JAZF1: variants seen among roughly 807,000 people sequenced by gnomAD.
JAZF1 encodes the protein juxtaposed with another zinc finger protein 1.
A neutral mutation model predicts 26.4 loss-of-function variants in JAZF1; 8 were observed. The ratio of observed to expected loss-of-function variants is 0.30; its 90% CI spans 0.18 to 0.55. The LOEUF is 0.55. JAZF1 is among the 20% of genes least tolerant of loss of function. JAZF1 has a pLI of 0.94. For missense variants in JAZF1, 199 were observed against 322.0 expected (o/e 0.62, Z 2.92); for synonymous variants, 126 against 122.3 (o/e 1.03, Z -0.20).
chr7:28,133,653 T>C (rs1175366985), intron 1 of JAZF1, among the ~76,000 whole-genome samples: 3 of 152,164 alleles, frequency 2.0e-5, no homozygotes, highest in African/African-American at 7.2e-5. Flanking sequence ...TCCACTGTCA[T>C]AATTCTTTAT....
chr7:27,860,725 C>T (rs909482391), intron 3 of JAZF1, among the ~76,000 whole-genome samples: 1 of 152,138 alleles, frequency 6.6e-6, no homozygotes, highest in African/African-American at 2.4e-5. Flanking sequence ...TCCCAGCTGG[C>T]CAGGGTCTGT....
At chr7:28,168,357 G>T (rs967980833) in intron 1 of JAZF1, among the ~76,000 whole-genome samples, 3 of 148,802 alleles carry the variant, frequency 2.0e-5, no homozygotes, top group African/African-American at 7.5e-5. Context: ...CCCCAGCCTG[G>T]GTGACAGAGC....
intron 2 of JAZF1, among the ~76,000 whole-genome samples, chr7:27,917,055 A>T (rs1465814179): frequency 6.6e-6 from 1 of 152,240 alleles, no homozygotes; most frequent in Non-Finnish European, 1.5e-5. Flanking sequence ...CCTGGGCAAC[A>T]GAGTGAGATC....
At chr7:27,880,805 C>G (rs903870251) in intron 3 of JAZF1, among the ~76,000 whole-genome samples, 1 of 152,120 alleles carries the variant, frequency 6.6e-6, no homozygotes, top group Non-Finnish European at 1.5e-5. Context: ...GCTAGGACCA[C>G]AGGCACATGC....
intron 1 of JAZF1, among the ~76,000 whole-genome samples, chr7:28,117,507 T>C (rs1416910085): frequency 6.6e-6 from 1 of 152,222 alleles, no homozygotes; most frequent in Non-Finnish European, 1.5e-5. Context: ...TCATATAAAA[T>C]TAATTGATCA....
At chr7:28,136,304 G>C (rs1409110507) in intron 1 of JAZF1, among the ~76,000 whole-genome samples, 2 of 152,150 alleles carry the variant, frequency 1.3e-5, no homozygotes, top group African/African-American at 4.8e-5. Flanking sequence ...GGTAGGCCTG[G>C]GATTCCAAAC....
chr7:28,105,677 T>C (rs549621308), intron 1 of JAZF1, among the ~76,000 whole-genome samples: 7 of 152,360 alleles, frequency 4.6e-5, no homozygotes, highest in Non-Finnish European at 8.8e-5. Context: ...ATCAGCTTAA[T>C]TGTAAGATTT....
At chr7:28,157,799 C>T (rs1332098010) in intron 1 of JAZF1, among the ~76,000 whole-genome samples, 1 of 152,154 alleles carries the variant, frequency 6.6e-6, no homozygotes, top group African/African-American at 2.4e-5. Context: ...CACCTACATA[C>T]ACAAAATCAC....
chr7:27,981,971 G>A (rs1160877113), intron 2 of JAZF1, among the ~76,000 whole-genome samples: 1 of 152,166 alleles, frequency 6.6e-6, no homozygotes, highest in Non-Finnish European at 1.5e-5. Context: ...TGTTACTTTA[G>A]TGAGTATAAC....
At chr7:27,968,535 G>A (rs1437757475) in intron 2 of JAZF1, among the ~76,000 whole-genome samples, 1 of 152,160 alleles carries the variant, frequency 6.6e-6, no homozygotes, top group Admixed American at 6.5e-5. Flanking sequence ...ATACAAATAT[G>A]CACATGCCTC....
rs546001683 is a variant in JAZF1, at chr7:27,834,013, A to C, written c.556-1037T>G. On this transcript the variant is annotated intron_variant, in intron 4 of 4. Transcript: ENST00000283928. ...CACAGAAGAGACAGCCTGAAACAAA[A>C]AGCACAGATTTTAGGAGAGTGAGCT... 2.6e-5 allele frequency among the ~76,000 whole-genome samples: 4 copies of C among 152,308 alleles called. No individual in the cohort carries two copies. In the South Asian group the frequency reaches 8.3e-4, roughly 32 times the overall value.
intron 2 of JAZF1, among the ~76,000 whole-genome samples, chr7:27,967,425 T>C (rs1373673977): frequency 6.6e-6 from 1 of 152,134 alleles, no homozygotes; most frequent in Non-Finnish European, 1.5e-5. Context: ...CCTCTCATAG[T>C]GATAAAGGGA....
intron 1 of JAZF1, among the ~76,000 whole-genome samples, chr7:28,168,683 A>C (rs1334228077): frequency 6.6e-6 from 1 of 152,222 alleles, no homozygotes; most frequent in Non-Finnish European, 1.5e-5. Context: ...TACTCTAACT[A>C]CATAGCTGAG....
chr7:27,838,745 C>T (rs748609719), intron 4 of JAZF1, among the ~76,000 whole-genome samples: 1 of 152,248 alleles, frequency 6.6e-6, no homozygotes, highest in Non-Finnish European at 1.5e-5. Flanking sequence ...GATGTAGGAG[C>T]AGCTCATCTC....
intron 1 of JAZF1, among the ~76,000 whole-genome samples, chr7:28,032,347 A>G (rs1023016427): frequency 1.3e-5 from 2 of 152,248 alleles, no homozygotes; most frequent in Non-Finnish European, 2.9e-5. Flanking sequence ...CTAAATAAAT[A>G]GATCTGCAAT....
At chr7:27,938,448 G>A (rs113408678) in intron 2 of JAZF1, among the ~76,000 whole-genome samples, 3 of 152,204 alleles carry the variant, frequency 2.0e-5, no homozygotes, top group Non-Finnish European at 2.9e-5. Context: ...TCTTTGTCCT[G>A]TAGCGATTTC....
chr7:28,045,036 CA>C (rs1229590675), intron 1 of JAZF1, among the ~76,000 whole-genome samples: 3 of 151,970 alleles, frequency 2.0e-5, no homozygotes, highest in Admixed American at 1.3e-4. Flanking sequence ...GAGGTGAGAC[CA>C]GTGCCTAGCC....
intron 1 of JAZF1, among the ~76,000 whole-genome samples, chr7:28,008,857 T>C (rs1270415286): frequency 1.3e-5 from 2 of 152,244 alleles, no homozygotes; most frequent in African/African-American, 2.4e-5. Context: ...AAAGCCATTC[T>C]GATTCACTAC....
intron 2 of JAZF1, among the ~76,000 whole-genome samples, chr7:27,916,417 A>T (rs1183265948): frequency 6.6e-6 from 1 of 152,182 alleles, no homozygotes; most frequent in Admixed American, 6.5e-5. Context: ...ATTCAAGGTT[A>T]GGTTCCTGCA....
Sources: allele counts gnomAD v4.1 joint callset (sites outside exome capture counted in the v4.1 genomes callset), GRCh38; gene constraint gnomAD v4.1.1; transcripts MANE v1.5; gene names NCBI Gene and HGNC (gene_info 2026-07-23, HGNC 2026-07-21).